PTPRT: variants seen among roughly 807,000 people sequenced by gnomAD.
The protein encoded by PTPRT is receptor-type tyrosine-protein phosphatase T.
A neutral mutation model predicts 176.8 loss-of-function variants in PTPRT; 56 were observed. That is an observed-to-expected ratio of 0.32 (90% CI 0.26 to 0.40). The LOEUF (loss-of-function observed/expected upper bound fraction) is 0.40. Among genes scored for constraint, PTPRT ranks in the 10% least tolerant of loss-of-function variants. The pLI is 1.00. For synonymous variants in PTPRT, 783 were observed against 739.0 expected (o/e 1.06, Z -0.96); for missense variants, 1,540 against 1,908.2 (o/e 0.81, Z 3.60).
Position 42,430,434 on chromosome 20 carries a change from T to C in PTPRT, c.1560+17786A>G, listed in dbSNP as rs370861590. ...AGAAGACCTGGGGTGGGGACAGAGA[T>C]AGCACTTTCCTAAAAAGCTCCCAGG... On this transcript the variant is annotated intron_variant, in intron 9 of 30. Coordinates refer to ENST00000373187, the MANE Select transcript of PTPRT (RefSeq NM_007050.6). Among the ~76,000 whole-genome samples, 20 of 152,162 alleles carry C rather than the reference T, an allele frequency of 1.3e-4. 1 individual carries two copies. Among genetic ancestry groups the C allele is most frequent in the African/African-American group, 4.8e-4 (20 of 41,440 alleles).
intron 7 of PTPRT, among the ~76,000 whole-genome samples, chr20:42,603,749 T>C (rs535330832): frequency 6.6e-6 from 1 of 152,292 alleles, no homozygotes; most frequent in Admixed American, 6.5e-5. Context: ...ACCTCAAAGC[T>C]TCACTCCATA....
chr20:42,520,460 C>T (rs2072151321), intron 7 of PTPRT, among the ~76,000 whole-genome samples: 2 of 152,038 alleles, frequency 1.3e-5, no homozygotes, highest in South Asian at 4.1e-4. Context: ...AATACACATC[C>T]CCAGGCACCA....
intron 16 of PTPRT, among the ~76,000 whole-genome samples, chr20:42,163,365 GC>G (rs1297421059): frequency 6.6e-6 from 1 of 152,162 alleles, no homozygotes; most frequent in Non-Finnish European, 1.5e-5. Context: ...AGAAAGAAGG[GC>G]CTAGGCAAGT....
At chr20:42,411,855 A>G (rs1451548884) in intron 9 of PTPRT, among the ~76,000 whole-genome samples, 5 of 152,122 alleles carry the variant, frequency 3.3e-5, no homozygotes, top group Non-Finnish European at 5.9e-5. Context: ...TACAAAAAAA[A>G]AAATAGTATC....
chr20:43,045,588 G>A (rs1986804673), intron 1 of PTPRT, among the ~76,000 whole-genome samples: 1 of 150,354 alleles, frequency 6.7e-6, no homozygotes, highest in African/African-American at 2.5e-5. Context: ...CAAGTAGCTA[G>A]GACTACAAGG....
chr20:42,995,357 G>A (rs563163502), intron 1 of PTPRT, among the ~76,000 whole-genome samples: 45 of 152,284 alleles, frequency 3.0e-4, no homozygotes, highest in South Asian at 1.0e-3. Flanking sequence ...CATATTGAAA[G>A]CATTCTAGCA....
intron 9 of PTPRT, among the ~76,000 whole-genome samples, chr20:42,362,781 C>T (rs562515054): frequency 1.3e-5 from 2 of 152,204 alleles, no homozygotes; most frequent in Admixed American, 1.3e-4. Flanking sequence ...ACTAATCTTG[C>T]AACTTTTCTG....
intron 2 of PTPRT, among the ~76,000 whole-genome samples, chr20:42,846,597 G>A (rs1218934033): frequency 1.3e-5 from 2 of 152,208 alleles, no homozygotes; most frequent in Admixed American, 6.5e-5. Flanking sequence ...CAGGCATTTG[G>A]TGAGCCTCAA....
At chr20:42,101,237 G>T (rs926688650) in intron 26 of PTPRT, among the ~76,000 whole-genome samples, 5 of 152,218 alleles carry the variant, frequency 3.3e-5, no homozygotes, top group African/African-American at 9.6e-5. Context: ...GGAGGCTCAA[G>T]AAATGAATTC....
chr20:42,835,275 T>C (rs1359626899), intron 2 of PTPRT, among the ~76,000 whole-genome samples: 1 of 151,898 alleles, frequency 6.6e-6, no homozygotes, highest in Admixed American at 6.6e-5. Context: ...GGAAACACTT[T>C]AAGGAAAACA....
chr20:42,615,065 T>G (rs989881195), intron 7 of PTPRT, among the ~76,000 whole-genome samples: 28 of 135,650 alleles, frequency 2.1e-4, no homozygotes, highest in African/African-American at 8.3e-4. Flanking sequence ...TAGGTATATC[T>G]CCCAATGCTA....
chr20:42,869,850 G>T (rs571135329), intron 2 of PTPRT, among the ~76,000 whole-genome samples: 33 of 152,276 alleles, frequency 2.2e-4, no homozygotes, highest in Admixed American at 1.9e-3. Context: ...TTACGAGTTG[G>T]GGCCTTTAGA....
chr20:42,816,326 A>C (rs1485331103), intron 2 of PTPRT, among the ~76,000 whole-genome samples: 1 of 152,238 alleles, frequency 6.6e-6, no homozygotes, highest in African/African-American at 2.4e-5. Flanking sequence ...GCTCGAGTCC[A>C]GCAGAAAAGG....
intron 27 of PTPRT, among the ~76,000 whole-genome samples, chr20:42,093,352 C>T (rs1259070539): frequency 1.3e-5 from 2 of 152,180 alleles, no homozygotes; most frequent in East Asian, 3.8e-4. Flanking sequence ...TGACCACAGA[C>T]ATTTGGAGTC....
intron 16 of PTPRT, among the ~76,000 whole-genome samples, chr20:42,181,283 A>G (rs1990513179): frequency 6.6e-6 from 1 of 152,104 alleles, no homozygotes; most frequent in South Asian, 2.1e-4. Flanking sequence ...GAGAGAGGGG[A>G]GATCACAAGG....
intron 2 of PTPRT, among the ~76,000 whole-genome samples, chr20:42,872,467 T>C (rs1428984052): frequency 5.3e-5 from 8 of 152,214 alleles, no homozygotes; most frequent in Admixed American, 3.9e-4. Context: ...CAGGGATAGA[T>C]TGTACGTCAG....
chr20:42,204,399 G>A (rs530546190), intron 15 of PTPRT, among the ~76,000 whole-genome samples: 57 of 152,230 alleles, frequency 3.7e-4, no homozygotes, highest in African/African-American at 1.3e-3. Context: ...ATGACTTTCT[G>A]AACTGAGGAT....
intron 7 of PTPRT, among the ~76,000 whole-genome samples, chr20:42,578,909 G>C (rs527835817): frequency 6.7e-6 from 1 of 149,306 alleles, no homozygotes; most frequent in East Asian, 2.0e-4. Flanking sequence ...TTTTGGGGGG[G>C]GGTCGGTTTT....
rs150686712 is a variant in PTPRT at position 42,944,767 on chromosome 20, C to A, written c.89-58835G>T. On this transcript the variant is annotated intron_variant, in intron 1 of 30. Transcript: ENST00000373187. ...CGTATATCAAGTCCACAGTTGAAGA[C>A]TATCTGCATTAAGCACTTGGTTGGT... is the stretch of plus-strand genomic sequence containing the variant. 6.1e-4 allele frequency among the ~76,000 whole-genome samples: 93 copies of A among 152,300 alleles called. No individual in the cohort carries two copies. In the East Asian group the frequency reaches 0.017, roughly 28 times the overall value.
Sources: allele counts gnomAD v4.1 joint callset (sites outside exome capture counted in the v4.1 genomes callset), GRCh38; gene constraint gnomAD v4.1.1; transcripts MANE v1.5; gene names NCBI Gene and HGNC (gene_info 2026-07-23, HGNC 2026-07-21).